CREB1: variants seen among roughly 807,000 people sequenced by gnomAD.
CREB1 encodes the protein cyclic AMP-responsive element-binding protein 1.
CREB1 carries 2 observed loss-of-function variants against 42.0 expected under a neutral mutation model. The observed-to-expected ratio is 0.05, with a 90% CI of 0.02 to 0.15. The LOEUF is 0.15. Among genes scored for constraint, CREB1 ranks in the 10% least tolerant of loss-of-function variants. CREB1 has a pLI of 1.00. For missense variants in CREB1, 199 were observed against 388.9 expected (o/e 0.51, Z 4.11); for synonymous variants, 123 against 139.9 (o/e 0.88, Z 0.85).
At chr2:207,547,748 A>G (rs1021194016) in intron 1 of CREB1, among the ~76,000 whole-genome samples, 3 of 152,148 alleles carry the variant, frequency 2.0e-5, no homozygotes, top group Non-Finnish European at 4.4e-5. Context: ...TTTCAAATTC[A>G]TGAGTATAGT....
At chr2:207,564,219 C>A (rs2082056398) in intron 3 of CREB1, among the ~76,000 whole-genome samples, 1 of 151,958 alleles carries the variant, frequency 6.6e-6, no homozygotes, top group East Asian at 1.9e-4. Context: ...GCTTCTTGAT[C>A]CAATGAGTAA....
intron 7 of CREB1, chr2:207,582,856 A>G: frequency 3.0e-6 from 1 of 329,518 alleles, no homozygotes; most frequent in South Asian, 2.3e-5. Flanking sequence ...TGGCACTACT[A>G]CTCCAGCCTG....
intron 7 of CREB1, chr2:207,577,996 G>C: frequency 3.4e-6 from 1 of 291,590 alleles, no homozygotes; most frequent in Non-Finnish European, 6.7e-6. Context: ...AGAAGATCAA[G>C]AGTTTCATAT....
chr2:207,556,316 A>G (rs540302535), intron 2 of CREB1, among the ~76,000 whole-genome samples: 17 of 152,256 alleles, frequency 1.1e-4, no homozygotes, highest in African/African-American at 4.1e-4. Flanking sequence ...TTTTGTTTGC[A>G]TGCATTCTCC....
At chr2:207,545,900 AT>A (rs1348651825) in intron 1 of CREB1, among the ~76,000 whole-genome samples, 3 of 151,818 alleles carry the variant, frequency 2.0e-5, no homozygotes, top group Admixed American at 2.0e-4. Flanking sequence ...CGCCTGGCTA[AT>A]TTTGTATTTT....
rs2080897341 is a variant in CREB1, at chr2:207,536,943, T to C, written c.-9+6809T>C. 2.0e-5 allele frequency among the ~76,000 whole-genome samples: 3 copies of C among 151,886 alleles called. No individual in the cohort carries two copies. In the South Asian group the frequency reaches 6.2e-4, roughly 32 times the overall value. ...AAGTGGAGGTTGCAGTGAGCCAGTA[T>C]CACCCCACTGAACTCCACTCTGGGT... On this transcript the variant is annotated intron_variant, in intron 1 of 7. Transcript: ENST00000353267.
intron 1 of CREB1, among the ~76,000 whole-genome samples, chr2:207,536,658 G>C (rs1260578798): frequency 6.6e-6 from 1 of 152,130 alleles, no homozygotes; most frequent in African/African-American, 2.4e-5. Flanking sequence ...TAAGAATATT[G>C]TTTTGAGGTT....
intron 7 of CREB1, among the ~76,000 whole-genome samples, chr2:207,595,508 C>T (rs2085971746): frequency 6.6e-6 from 1 of 151,784 alleles, no homozygotes; most frequent in African/African-American, 2.4e-5. Context: ...GCAGCCTCGA[C>T]CTCCCGGCCT....
chr2:207,600,625 T>TG lies in CREB1; in HGVS notation c.*3572dup. 4.7e-6 allele frequency: 1 copy of TG among 212,218 alleles called. No individual in the cohort carries two copies. The highest frequency in any genetic ancestry group is 9.5e-6 in the Non-Finnish European group (1 of 104,720). 13.1% of individuals were successfully genotyped at this position (212,218 alleles called of 1,614,324 possible). On this transcript the variant is annotated 3_prime_UTR_variant, in exon 8 of 8. Transcript: ENST00000353267. ...CCACTGATTTTTTCAAAAATCATCC[T>TG]GGGGGAGGAATTTTGGCATTTCATT...
intron 1 of CREB1, among the ~76,000 whole-genome samples, chr2:207,553,307 G>T (rs1271659023): frequency 6.6e-6 from 1 of 151,968 alleles, no homozygotes; most frequent in African/African-American, 2.4e-5. Context: ...GACCTCAGGC[G>T]ATCCACCCGC....
intron 6 of CREB1, 117 bp from the exon 7 acceptor site, chr2:207,577,386 ATC>A: frequency 4.5e-6 from 6 of 1,325,756 alleles, no homozygotes; most frequent in Non-Finnish European, 6.1e-6. Context: ...AGCCAGAATC[ATC>A]TTTTCTTTTT....
At chr2:207,555,592 C>G (rs544455173) in intron 1 of CREB1, 36 bp from the exon 2 acceptor site, 6 of 1,365,204 alleles carry the variant, frequency 4.4e-6, no homozygotes, top group Non-Finnish European at 6.2e-6. Flanking sequence ...GCACAAAGCA[C>G]TGTGGTGCTT....
At chr2:207,552,575 G>A (rs899689801) in intron 1 of CREB1, among the ~76,000 whole-genome samples, 4 of 151,840 alleles carry the variant, frequency 2.6e-5, no homozygotes, top group Non-Finnish European at 2.9e-5. Flanking sequence ...TGGTTTACAG[G>A]GGGAGAAAAT....
chr2:207,546,096 T>C (rs1323939623), intron 1 of CREB1, among the ~76,000 whole-genome samples: 1 of 152,198 alleles, frequency 6.6e-6, no homozygotes, highest in Admixed American at 6.5e-5. Flanking sequence ...AAGGAAGATT[T>C]TCTACTTTGA....
At chr2:207,577,696 G>A (rs369401664) in intron 7 of CREB1, 41 bp downstream of exon 7, 2 of 1,605,064 alleles carry the variant, frequency 1.2e-6, no homozygotes, top group East Asian at 2.2e-5. Flanking sequence ...TGTGTTAAGT[G>A]TGTCTTCACA....
At chr2:207,544,196 T>C (rs897766269) in intron 1 of CREB1, among the ~76,000 whole-genome samples, 6 of 152,188 alleles carry the variant, frequency 3.9e-5, no homozygotes, top group Admixed American at 1.3e-4. Flanking sequence ...CGTGAGCCAC[T>C]GCCCGGCCAA....
intron 5 of CREB1, among the ~76,000 whole-genome samples, chr2:207,572,469 CAT>C (rs887034845): frequency 1.1e-4 from 16 of 152,110 alleles, no homozygotes; most frequent in Non-Finnish European, 1.5e-4. Flanking sequence ...TATAAACACA[CAT>C]AGTTATATAT....
intron 7 of CREB1, among the ~76,000 whole-genome samples, chr2:207,595,832 G>T (rs2086052168): frequency 6.6e-6 from 1 of 152,164 alleles, no homozygotes; most frequent in Non-Finnish European, 1.5e-5. Flanking sequence ...GCCTCCCAAA[G>T]TGCTGGGATT....
At chr2:207,532,374 T>TA (rs1363408664) in intron 1 of CREB1, among the ~76,000 whole-genome samples, 1 of 151,834 alleles carries the variant, frequency 6.6e-6, no homozygotes, top group East Asian at 1.9e-4. Flanking sequence ...GTGAGATTTT[T>TA]AAAAAATTGT....
Sources: allele counts gnomAD v4.1 joint callset (sites outside exome capture counted in the v4.1 genomes callset), GRCh38; gene constraint gnomAD v4.1.1; transcripts MANE v1.5; gene names NCBI Gene and HGNC (gene_info 2026-07-23, HGNC 2026-07-21).